The following PRL variants were observed in gnomAD, a reference collection of about 807,000 sequenced individuals.
PRL encodes the protein decidual prolactin.
PRL carries 24 observed loss-of-function variants against 21.3 expected under a neutral mutation model. That is an observed-to-expected ratio of 1.13 (90% CI 0.82 to 1.59). The LOEUF (loss-of-function observed/expected upper bound fraction) is 1.59, where lower values mean the gene tolerates loss of function less well. Among genes scored for constraint, PRL ranks in the 40% most tolerant of loss-of-function variants. The pLI is 0.00. For synonymous variants in PRL, 118 were observed against 115.7 expected, an observed-to-expected ratio of 1.02 and a Z score of -0.13; for missense variants, 243 against 286.9, an observed-to-expected ratio of 0.85 and a Z score of 1.10.
intron 2 of PRL, among the ~76,000 whole-genome samples, chr6:22,293,633 A>AGGAGGGAC (rs879628686): frequency 4.2e-5 from 2 of 47,818 alleles, no homozygotes; most frequent in Non-Finnish European, 4.0e-5. Context: ...GAGGGAAGGA[A>AGGAGGGAC]GGAAGGAAGG....
chr6:22,298,073 G>T (rs189829897), upstream of PRL, among the ~76,000 whole-genome samples: 2 of 152,130 alleles, frequency 1.3e-5, no homozygotes, highest in African/African-American at 2.4e-5. Context: ...ACACATGTGT[G>T]TGCACACACA....
At chr6:22,301,716 G>T (rs747240777), upstream of PRL, among the ~76,000 whole-genome samples, 2 of 152,018 alleles carry the variant, frequency 1.3e-5, no homozygotes, top group South Asian at 2.1e-4. Flanking sequence ...ATTTTTGTTA[G>T]AATTTGTCTA....
At chr6:22,300,293 A>T (rs1454527871), upstream of PRL, among the ~76,000 whole-genome samples, 1 of 152,226 alleles carries the variant, frequency 6.6e-6, no homozygotes, top group Admixed American at 6.5e-5. Flanking sequence ...GTAAACTGCA[A>T]TCTAACTTAG....
chr6:22,296,633 C>T (rs545173424), intron 1 of PRL, among the ~76,000 whole-genome samples: 49 of 152,254 alleles, frequency 3.2e-4, no homozygotes, highest in African/African-American at 9.9e-4. Flanking sequence ...GGGGCTGTCC[C>T]GTGCATTGAA....
chr6:22,287,626 C>A, intron 4 of PRL, 33 bp from the exon 5 acceptor site: 1 of 1,507,148 alleles, frequency 6.6e-7, no homozygotes, highest in South Asian at 1.3e-5. Context: ...ACTTATTCTT[C>A]ATATTATTAG....
At position 22,292,618 on chromosome 6, in the gene PRL, A is replaced by AC; in HGVS notation, c.231dup (p.Phe78ValfsTer44). ...CAGCTGTTGATGGCCTTGGTAATGA[A>AC]CCCCCGGCCATGGGTATACCGTTTA... On this transcript the variant is annotated frameshift_variant, in exon 3 of 5. Coordinates refer to ENST00000306482, the MANE Select transcript of PRL (RefSeq NM_000948.6). LOFTEE classifies it high-confidence loss of function. The AC allele has an allele frequency of 6.2e-7, 1 of 1,613,890 alleles. No individual in the cohort carries two copies. The highest frequency in any genetic ancestry group is 8.5e-7 in the Non-Finnish European group (1 of 1,179,966).
At chr6:22,292,756 G>T in intron 2 of PRL, 111 bp from the exon 3 acceptor site, 1 of 802,346 alleles carries the variant, frequency 1.2e-6, no homozygotes, top group Non-Finnish European at 1.9e-6. Context: ...TAAAAAATTA[G>T]AGCTACATAA....
At chr6:22,291,837 A>G (rs532553851) in intron 3 of PRL, among the ~76,000 whole-genome samples, 133 of 152,338 alleles carry the variant, frequency 8.7e-4, no homozygotes, top group African/African-American at 3.2e-3. Context: ...ATGGTAGACA[A>G]CCAAAAGGAA....
At chr6:22,295,790 A>C (rs1761162543) in intron 1 of PRL, among the ~76,000 whole-genome samples, 1 of 152,208 alleles carries the variant, frequency 6.6e-6, no homozygotes, top group Admixed American at 6.5e-5. Flanking sequence ...ACAAAACTTA[A>C]GTCCTTCAAA....
Position 22,294,405 on chromosome 6 carries a change from T to TTA in PRL, c.204+2_204+3dup. The TTA allele has an allele frequency of 6.2e-7, 1 of 1,614,110 alleles. No homozygotes were observed. Reference sequence around the variant, plus strand: ...AGGGAGGAAGCCAGAAGCATGGTACTTACGAATTCGCTGAACATTTCTGAG... The same window carrying TTA: ...AGGGAGGAAGCCAGAAGCATGGTACTTATACGAATTCGCTGAACATTTCTGAG... On this transcript the variant is annotated splice_donor_region_variant and intron_variant, in intron 2 of 4. Transcript: ENST00000306482.
In PRL at chr6:22,295,629, A is replaced by G. The variant is rs114526545; in HGVS notation, c.29-1045T>C. Reference sequence around the variant, plus strand: ...TTCAAAGCTTTGTCATCAATTTGCTATCTCAGCAAATGGACAGTTACAGTC... The same window carrying G: ...TTCAAAGCTTTGTCATCAATTTGCTGTCTCAGCAAATGGACAGTTACAGTC... On this transcript the variant is annotated intron_variant, in intron 1 of 4. Coordinates refer to ENST00000306482, the MANE Select transcript of PRL (RefSeq NM_000948.6). Among the ~76,000 whole-genome samples, 425 of 152,332 alleles carry G rather than the reference A, an allele frequency of 2.8e-3. 2 individuals carry two copies. The highest frequency in any genetic ancestry group is 9.4e-3 in the African/African-American group (391 of 41,576).
upstream of PRL, among the ~76,000 whole-genome samples, chr6:22,300,854 C>T (rs1220450016): frequency 6.6e-6 from 1 of 152,140 alleles, no homozygotes; most frequent in African/African-American, 2.4e-5. Flanking sequence ...TATTCATATC[C>T]TCTGGTCTAG....
chr6:22,302,351 AC>A (rs1266449176), upstream of PRL, among the ~76,000 whole-genome samples: 6 of 152,040 alleles, frequency 3.9e-5, no homozygotes. Context: ...TATGTAGGCA[AC>A]AAAAATATGC....
chr6:22,291,330 C>G (rs976791699), intron 3 of PRL, among the ~76,000 whole-genome samples: 2 of 152,138 alleles, frequency 1.3e-5, no homozygotes, highest in Non-Finnish European at 2.9e-5. Flanking sequence ...AGAATGAAGC[C>G]CAGGCTCGCT....
At chr6:22,297,299 T>C (rs183427644), upstream of PRL, 234 of 392,376 alleles carry the variant, frequency 6.0e-4, 3 homozygotes, top group Non-Finnish European at 6.4e-5. Context: ...TGAGACTAGA[T>C]TGGTTTGGAG....
rs139455662 is a variant in PRL at position 22,290,198 on chromosome 6, C to T, written c.468G>A (p.Glu156=). ...EIEEQTKRLL[E]GMELIVSQVH... The stretch of plus-strand genomic sequence containing the variant: ...CCTGGCTGACTATCAGCTCCATGCC[C>T]TCTAGAAGCCGTTTGGTTTGCTCCT... The change falls in exon 4 of 5, where the codon GAG becomes GAA. Residue 156 remains glutamate (E), a synonymous_variant. Transcript: ENST00000306482. The T allele has an allele frequency of 4.5e-5, 72 of 1,601,742 alleles. No individual in the cohort carries two copies. Among genetic ancestry groups the T allele is most frequent in the Non-Finnish European group, 5.9e-5 (69 of 1,171,310 alleles).
In PRL at chr6:22,287,299, T is replaced by C. The variant is rs1760939900; in HGVS notation, c.*103A>G. The C allele has an allele frequency of 2.7e-5, 32 of 1,187,938 alleles. No individual in the cohort carries two copies. The highest frequency in any genetic ancestry group is 2.1e-4 in the Middle Eastern group (1 of 4,752). The allele number at this position is 1,187,938 out of a possible 1,614,324, so 73.6% of individuals were successfully genotyped here. A position where few individuals can be genotyped will look rare whatever the true frequency, so the allele number is the denominator to read the frequency against. On this transcript the variant is annotated 3_prime_UTR_variant, in exon 5 of 5. Coordinates refer to ENST00000306482, the MANE Select transcript of PRL (RefSeq NM_000948.6). ...AGTTTTTATTTTTTAAGAGGAGACC[T>C]GTTACACCCAAGCATGGATTCAAAA...
chr6:22,288,221 G>T lies in PRL; in HGVS notation c.493-628C>A, dbSNP rs1249973100. Among the ~76,000 whole-genome samples the T allele has an allele frequency of 8.5e-5, 13 of 152,094 alleles. No homozygotes were observed. The South Asian group carries it at 2.1e-3, about 24-fold the overall frequency. ...TCTTTTGAGGTCCCTGGGCTGGGAG[G>T]TGCCGGGAAAAGCACCTACAAGGAA... On this transcript the variant is annotated intron_variant, in intron 4 of 4. Coordinates refer to ENST00000306482, the MANE Select transcript of PRL (RefSeq NM_000948.6). This position sits in a 1 kb window ranked among gnomAD's most constrained non-coding sequence, Gnocchi z 4.5.
At chr6:22,287,722 T>G in intron 4 of PRL, 129 bp from the exon 5 acceptor site, 2 of 825,632 alleles carry the variant, frequency 2.4e-6, no homozygotes, top group South Asian at 5.0e-5. Flanking sequence ...AAGGCAATGA[T>G]TTTTGTATAT....
Sources: gnomAD v4.1 joint callset for allele counts (sites outside exome capture counted in the v4.1 genomes callset) on GRCh38, gnomAD v4.1.1 for gene constraint, Gnocchi (gnomAD v3.1) non-coding constraint, MANE v1.5 for transcripts, NCBI Gene and HGNC (gene_info 2026-07-23, HGNC 2026-07-21) for gene names.